The following TMEM161B variants were observed in gnomAD, a reference collection of about 807,000 sequenced individuals.
TMEM161B encodes the protein transmembrane protein 161B.
In TMEM161B, 34 loss-of-function variants were observed where a neutral mutation model predicts 61.8. That is an observed-to-expected ratio of 0.55 (90% CI 0.42 to 0.73). TMEM161B has a LOEUF of 0.73. Ranked by LOEUF, TMEM161B falls within the 30% of genes least tolerant of loss-of-function variation. The pLI is 0.00. For missense variants in TMEM161B, 456 were observed against 558.5 expected (o/e 0.82, Z 1.85); for synonymous variants, 167 against 192.8 (o/e 0.87, Z 1.11).
chr5:88,228,202 C>T (rs371361012), intron 3 of TMEM161B, among the ~76,000 whole-genome samples: 4 of 152,084 alleles, frequency 2.6e-5, no homozygotes, highest in Non-Finnish European at 1.5e-5. Flanking sequence ...CCCCCAATTA[C>T]ATTTTCTTTA....
intron 1 of TMEM161B, among the ~76,000 whole-genome samples, chr5:88,266,709 C>A (rs1756423162): frequency 6.6e-6 from 1 of 152,154 alleles, no homozygotes; most frequent in African/African-American, 2.4e-5. Context: ...CAAGCTGAAT[C>A]CTCAATAAAT....
intron 8 of TMEM161B, 101 bp from the exon 9 acceptor site, chr5:88,203,176 G>A: frequency 1.4e-6 from 1 of 690,282 alleles, no homozygotes; most frequent in East Asian, 2.7e-5. Flanking sequence ...GAGCTTATTT[G>A]CAGTATTCTA....
At chr5:88,242,799 T>G (rs1752962714) in intron 1 of TMEM161B, among the ~76,000 whole-genome samples, 1 of 151,560 alleles carries the variant, frequency 6.6e-6, no homozygotes, top group Non-Finnish European at 1.5e-5. Flanking sequence ...GAATAAAGAC[T>G]TTCAAAAAGA....
At chr5:88,210,904 C>A (rs1227726322) in intron 5 of TMEM161B, among the ~76,000 whole-genome samples, 1 of 152,150 alleles carries the variant, frequency 6.6e-6, no homozygotes, top group East Asian at 1.9e-4. Context: ...AAAAAGGAAT[C>A]GGAAAACATT....
At chr5:88,263,125 G>A (rs896909397) in intron 1 of TMEM161B, among the ~76,000 whole-genome samples, 17 of 152,026 alleles carry the variant, frequency 1.1e-4, no homozygotes, top group African/African-American at 3.9e-4. Flanking sequence ...AATTTTACAG[G>A]AGCAGTTAAT....
At chr5:88,191,780 AC>A (rs1282596404), downstream of TMEM161B, among the ~76,000 whole-genome samples, 11 of 150,444 alleles carry the variant, frequency 7.3e-5, no homozygotes, top group Middle Eastern at 3.2e-3. Flanking sequence ...ACACTGTGAA[AC>A]CCCGTCTCTA....
Position 88,268,841 on chromosome 5 carries a change from G to A in TMEM161B, c.-118C>T. The A allele has an allele frequency of 6.4e-7, 1 of 1,558,152 alleles. No individual in the cohort carries two copies. The highest frequency in any genetic ancestry group is 8.8e-7 in the Non-Finnish European group (1 of 1,142,738). The stretch of plus-strand genomic sequence containing the variant: ...AAACAGCGAAAGAGAGGGTCTTCCG[G>A]CTCTGCCGGAAGTTGTGCGCGCGCG... On this transcript the variant is annotated 5_prime_UTR_variant, in exon 1 of 12. Coordinates refer to ENST00000296595, the MANE Select transcript of TMEM161B (RefSeq NM_153354.5).
chr5:88,233,809 T>C (rs922679526), intron 2 of TMEM161B, among the ~76,000 whole-genome samples: 1 of 152,054 alleles, frequency 6.6e-6, no homozygotes, highest in Non-Finnish European at 1.5e-5. Flanking sequence ...TAAGTACCCA[T>C]GAGACATCAA....
chr5:88,250,028 A>G (rs997301945), intron 1 of TMEM161B, among the ~76,000 whole-genome samples: 5 of 152,166 alleles, frequency 3.3e-5, no homozygotes, highest in Admixed American at 1.3e-4. Flanking sequence ...ATCCTATGGT[A>G]TCTTTCACCA....
intron 1 of TMEM161B, among the ~76,000 whole-genome samples, chr5:88,245,354 C>T (rs1753446188): frequency 6.6e-6 from 1 of 151,810 alleles, no homozygotes; most frequent in Non-Finnish European, 1.5e-5. Context: ...TCAATGAATG[C>T]CATTACAAAG....
At chr5:88,227,355 C>A (rs1440058949) in intron 3 of TMEM161B, among the ~76,000 whole-genome samples, 2 of 152,284 alleles carry the variant, frequency 1.3e-5, no homozygotes, top group East Asian at 3.9e-4. Flanking sequence ...CATCTCTGAT[C>A]CTAGCTTCTC....
intron 1 of TMEM161B, among the ~76,000 whole-genome samples, chr5:88,244,893 T>G (rs1297938376): frequency 3.3e-5 from 5 of 152,006 alleles, no homozygotes; most frequent in African/African-American, 1.2e-4. Flanking sequence ...AATTTTATTC[T>G]TTTTGTGGCT....
chr5:88,236,142 A>G (rs1751811151), intron 2 of TMEM161B, among the ~76,000 whole-genome samples: 1 of 152,190 alleles, frequency 6.6e-6, no homozygotes, highest in African/African-American at 2.4e-5. Context: ...TTGGATATGA[A>G]GGTGTTATAA....
At chr5:88,209,829 C>T (rs933875684) in intron 5 of TMEM161B, among the ~76,000 whole-genome samples, 1 of 146,000 alleles carries the variant, frequency 6.8e-6, no homozygotes, top group African/African-American at 2.6e-5. Flanking sequence ...AGTGTCATCA[C>T]TACACTGTCT....
At chr5:88,203,485 A>G (rs1744800059) in intron 8 of TMEM161B, among the ~76,000 whole-genome samples, 1 of 151,886 alleles carries the variant, frequency 6.6e-6, no homozygotes, top group Admixed American at 6.6e-5. Flanking sequence ...TTTTCAGTAC[A>G]GAAGAGTCGT....
chr5:88,185,906 C>G (rs1479291923), downstream of TMEM161B, among the ~76,000 whole-genome samples: 1 of 152,176 alleles, frequency 6.6e-6, no homozygotes, highest in Non-Finnish European at 1.5e-5. Context: ...GCAACAAATA[C>G]AGCTGAATAA....
At chr5:88,198,555 G>C (rs1037647239) in intron 10 of TMEM161B, 1 of 152,898 alleles carries the variant, frequency 6.5e-6, no homozygotes, top group Admixed American at 6.6e-5. Flanking sequence ...TTCTCTGGAA[G>C]CCTCAAATAA....
chr5:88,268,588 G>C, intron 1 of TMEM161B, 133 bp downstream of exon 1: 1 of 1,254,664 alleles, frequency 8.0e-7, no homozygotes, highest in Non-Finnish European at 1.1e-6. Flanking sequence ...TAGGTGGTGG[G>C]TCCTACCCAG....
chr5:88,238,678 TA>T (rs1409360699), intron 2 of TMEM161B, among the ~76,000 whole-genome samples: 4 of 152,048 alleles, frequency 2.6e-5, no homozygotes, highest in Non-Finnish European at 4.4e-5. Flanking sequence ...TTCTGATCAG[TA>T]ATATTTTTAC....
Sources: gnomAD v4.1 joint callset for allele counts (sites outside exome capture counted in the v4.1 genomes callset) on GRCh38, gnomAD v4.1.1 for gene constraint, MANE v1.5 for transcripts, NCBI Gene and HGNC (gene_info 2026-07-23, HGNC 2026-07-21) for gene names.